Variants in DYNC1H1 observed in about 807,000 individuals in gnomAD.
DYNC1H1 encodes cytoplasmic dynein 1 heavy chain 1.
A neutral mutation model predicts 527.1 loss-of-function variants in DYNC1H1; 51 were observed. That is an observed-to-expected ratio of 0.10 (90% CI 0.08 to 0.12). The LOEUF is 0.12. Ranked by LOEUF, DYNC1H1 falls within the 10% of genes least tolerant of loss-of-function variation. The pLI is 1.00. For synonymous variants in DYNC1H1, 2,189 were observed against 2,278.8 expected, an observed-to-expected ratio of 0.96 and a Z score of 1.12; for missense variants, 2,771 against 5,971.8, an observed-to-expected ratio of 0.46 and a Z score of 17.66.
intron 5 of DYNC1H1, among the ~76,000 whole-genome samples, chr14:101,981,233 C>T (rs1178760454): frequency 2.6e-5 from 4 of 152,172 alleles, no homozygotes; most frequent in Admixed American, 6.5e-5. Context: ...AAGCCATCCT[C>T]TCACCTCAGC....
chr14:102,013,564 G>A (rs556578509), intron 34 of DYNC1H1, among the ~76,000 whole-genome samples: 2 of 152,266 alleles, frequency 1.3e-5, no homozygotes, highest in South Asian at 4.1e-4. Context: ...GGCTGAAGCG[G>A]AGAGGACTGG....
intron 42 of DYNC1H1, 93 bp from the exon 43 acceptor site, chr14:102,022,658 G>A: frequency 6.3e-7 from 1 of 1,578,292 alleles, no homozygotes; most frequent in Non-Finnish European, 8.7e-7. Flanking sequence ...TGCATCCTTT[G>A]GAAGAGCCCA....
Position 102,036,693 on chromosome 14 carries a change from C to CTT in DYNC1H1, c.10908+55_10908+56dup. 6.2e-7 allele frequency: 1 copy of CTT among 1,610,976 alleles called. No individual in the cohort carries two copies. ...AAACACTGCATTCAAGAGTGAATTCCTTTTTGGGGGCTGCCTTTAGTTTTC... is the reference window on the plus strand; with the variant it reads ...AAACACTGCATTCAAGAGTGAATTCCTTTTTTTGGGGGCTGCCTTTAGTTTTC... On this transcript the variant is annotated intron_variant, in intron 57 of 77. Transcript: ENST00000360184. This position sits in a 1 kb window ranked among gnomAD's most constrained non-coding sequence, Gnocchi z 5.6.
At chr14:101,992,426 C>T (rs935312417) in intron 11 of DYNC1H1, among the ~76,000 whole-genome samples, 3 of 152,172 alleles carry the variant, frequency 2.0e-5, no homozygotes, top group South Asian at 2.1e-4. Context: ...AAGGAGTCTA[C>T]GTACAATCCT....
rs2048740822 is a variant in DYNC1H1 at position 102,047,637 on chromosome 14, GTGTGTATATATATA to G, written c.13007-178_13007-165del. The G allele has an allele frequency of 1.3e-5, 5 of 394,244 alleles. No homozygotes were observed. The African/African-American group carries it at 1.3e-4, about 11-fold the overall frequency. 24.4% of individuals were successfully genotyped at this position (394,244 alleles called of 1,614,324 possible). A position where few individuals can be genotyped will look rare whatever the true frequency, so the allele number is the denominator to read the frequency against. ...TATATACACGTGTGTGTGTGTGTGT[GTGTGTATATATATA>G]TATATATATATATGTACACACGGCT... On this transcript the variant is annotated intron_variant, in intron 72 of 77. Transcript: ENST00000360184.
rs750474555 is a variant in DYNC1H1, at chr14:102,002,740, G to A, written c.4709+37G>A. ...AGCCAGAGAGCCAAATTTGCCAGCG[G>A]CTAGTGACTACTCTACACAAAGGCT... On this transcript the variant is annotated intron_variant, in intron 22 of 77. Coordinates refer to ENST00000360184, the MANE Select transcript of DYNC1H1 (RefSeq NM_001376.5). This position sits in a 1 kb window ranked among gnomAD's most constrained non-coding sequence, Gnocchi z 4.4. 6 of 1,614,224 alleles carry A rather than the reference G, an allele frequency of 3.7e-6. No homozygotes were observed. Among genetic ancestry groups the A allele is most frequent in the Non-Finnish European group, 4.2e-6 (5 of 1,180,040 alleles).
At chr14:101,975,928 A>G in intron 2 of DYNC1H1, 129 bp downstream of exon 2, 1 of 750,456 alleles carries the variant, frequency 1.3e-6, no homozygotes, top group South Asian at 1.8e-5. Context: ...TTTTTTTGAG[A>G]CGGAGTTTCG....
chr14:101,965,817 A>T lies in DYNC1H1; in HGVS notation c.256+870A>T, dbSNP rs572138478. 4.4e-5 allele frequency among the ~76,000 whole-genome samples: 4 copies of T among 91,890 alleles called. No individual in the cohort carries two copies. Among genetic ancestry groups the T allele is most frequent in the South Asian group, 3.7e-4 (1 of 2,672 alleles). 60.3% of individuals were successfully genotyped at this position (91,890 alleles called of 152,430 possible). ...ATATTTGAGTCTAATTTTACAGATT[A>T]AAAAAAAAAAAAAAGATTCAGGTTA... is the stretch of plus-strand genomic sequence containing the variant. On this transcript the variant is annotated intron_variant, in intron 1 of 77. Coordinates refer to ENST00000360184, the MANE Select transcript of DYNC1H1 (RefSeq NM_001376.5). This position sits in a 1 kb window ranked among gnomAD's most constrained non-coding sequence, Gnocchi z 4.1.
intron 1 of DYNC1H1, among the ~76,000 whole-genome samples, chr14:101,968,580 T>G (rs2047694429): frequency 6.6e-6 from 1 of 152,118 alleles, no homozygotes; most frequent in Non-Finnish European, 1.5e-5. Context: ...GAATTTTTTT[T>G]TTGAGACAGG....
Position 101,995,443 on chromosome 14 carries a change from C to T in DYNC1H1, c.3564+143C>T, listed in dbSNP as rs1050921712. The T allele has an allele frequency of 3.7e-6, 4 of 1,093,066 alleles. No individual in the cohort carries two copies. In the Admixed American group the frequency reaches 7.7e-5, roughly 21 times the overall value. The allele number at this position is 1,093,066 out of a possible 1,614,324, so 67.7% of individuals were successfully genotyped here. ...TGGCTAACACGGTGAAATGCTGTCT[C>T]TACTAAAAATACAAAAAATTAGCCG... is the stretch of plus-strand genomic sequence containing the variant. On this transcript the variant is annotated intron_variant, in intron 15 of 77. Transcript: ENST00000360184.
chr14:102,046,729 T>C (rs1461308661), intron 72 of DYNC1H1, among the ~76,000 whole-genome samples: 1 of 151,802 alleles, frequency 6.6e-6, no homozygotes, highest in Non-Finnish European at 1.5e-5. Flanking sequence ...GGCCCAGGTC[T>C]CACAGTGAAC....
chr14:101,973,067 C>T (rs1270589172), intron 1 of DYNC1H1, among the ~76,000 whole-genome samples: 1 of 151,752 alleles, frequency 6.6e-6, no homozygotes, highest in Non-Finnish European at 1.5e-5. Context: ...TTTTAATAGT[C>T]GTTTTAAAAA....
In DYNC1H1 at chr14:102,044,891, G is replaced by A. The variant is rs1331962751; in HGVS notation, c.13006+193G>A. On this transcript the variant is annotated intron_variant, in intron 72 of 77. Transcript: ENST00000360184. This position sits in a 1 kb window ranked among gnomAD's most constrained non-coding sequence, Gnocchi z 7.1. The stretch of plus-strand genomic sequence containing the variant: ...CCAGCTGCTCCTAGCTCCACTCCGA[G>A]GGGAGGCAGAGGAAAGAACTGGCTC... 1.6e-6 allele frequency: 1 copy of A among 641,860 alleles called. No homozygotes were observed. The highest frequency in any genetic ancestry group is 2.7e-6 in the Non-Finnish European group (1 of 368,224). 39.8% of individuals were successfully genotyped at this position (641,860 alleles called of 1,614,324 possible). A position where few individuals can be genotyped will look rare whatever the true frequency, so the allele number is the denominator to read the frequency against.
chr14:102,015,009 A>G lies in DYNC1H1; in HGVS notation c.7015-96A>G. On this transcript the variant is annotated intron_variant, in intron 34 of 77. Transcript: ENST00000360184. The surrounding 1 kb of genome is among the most constrained non-coding windows in gnomAD (Gnocchi z 6.9). The stretch of plus-strand genomic sequence containing the variant: ...TTCTGTATAGGAAAATTAAGTTTAA[A>G]GTCACCCTTTCAGTGTATATATAGG... 7.0e-7 allele frequency: 1 copy of G among 1,432,498 alleles called. No individual in the cohort carries two copies. The highest frequency in any genetic ancestry group is 1.2e-5 in the South Asian group (1 of 84,244). The allele number at this position is 1,432,498 out of a possible 1,614,324, so 88.7% of individuals were successfully genotyped here.
In DYNC1H1 at chr14:102,020,985, G is replaced by T. The variant is rs771200699; in HGVS notation, c.8507+929G>T. On this transcript the variant is annotated intron_variant, in intron 42 of 77. Transcript: ENST00000360184. This position sits in a 1 kb window ranked among gnomAD's most constrained non-coding sequence, Gnocchi z 4.3. ...GCAGAGTGCAGAGTATGTTGGCTGT[G>T]GCAGCCCTGTTTTTATTTCTTATTG... Among the ~76,000 whole-genome samples the T allele has an allele frequency of 1.3e-5, 2 of 152,124 alleles. No individual in the cohort carries two copies. Among genetic ancestry groups the T allele is most frequent in the Non-Finnish European group, 2.9e-5 (2 of 68,038 alleles).
At position 102,049,214 on chromosome 14, in the gene DYNC1H1, C is replaced by T; in HGVS notation, c.13373-226C>T. The T allele has an allele frequency of 3.2e-6, 2 of 617,258 alleles. No individual in the cohort carries two copies. Among genetic ancestry groups the T allele is most frequent in the Non-Finnish European group, 2.8e-6 (1 of 350,904 alleles). 38.2% of individuals were successfully genotyped at this position (617,258 alleles called of 1,614,324 possible). A position where few individuals can be genotyped will look rare whatever the true frequency, so the allele number is the denominator to read the frequency against. ...AAAGACACACCTGGACTAATTTGAC[C>T]CTAGAAACTGCACGGTTCTGAGACA... On this transcript the variant is annotated intron_variant, in intron 74 of 77. Coordinates refer to ENST00000360184, the MANE Select transcript of DYNC1H1 (RefSeq NM_001376.5). The surrounding 1 kb of genome is among the most constrained non-coding windows in gnomAD (Gnocchi z 5.5).
Position 102,005,569 on chromosome 14 carries a change from G to A in DYNC1H1, c.5434-319G>A, listed in dbSNP as rs1299301212. Among the ~76,000 whole-genome samples, 6 of 152,224 alleles carry A rather than the reference G, an allele frequency of 3.9e-5. No homozygotes were observed. Among genetic ancestry groups the A allele is most frequent in the Admixed American group, 6.5e-5 (1 of 15,282 alleles). ...CAGTGCTTGCTGCGAGCCCCATGGCGGCACGTGGCAGACTCCTAGGATAGA... is the reference window on the plus strand; with the variant it reads ...CAGTGCTTGCTGCGAGCCCCATGGCAGCACGTGGCAGACTCCTAGGATAGA... On this transcript the variant is annotated intron_variant, in intron 26 of 77. Coordinates refer to ENST00000360184, the MANE Select transcript of DYNC1H1 (RefSeq NM_001376.5). This position sits in a 1 kb window ranked among gnomAD's most constrained non-coding sequence, Gnocchi z 4.0.
chr14:101,997,370 C>T lies in DYNC1H1; in HGVS notation c.3804+96C>T. 6.3e-7 allele frequency: 1 copy of T among 1,587,816 alleles called. No individual in the cohort carries two copies. Among genetic ancestry groups the T allele is most frequent in the Non-Finnish European group, 8.6e-7 (1 of 1,166,964 alleles). ...CCTAAAAGGCCTTGCTGTGACTGAG[C>T]TTTCTAGTATTGAAGACTCTTTTCC... On this transcript the variant is annotated intron_variant, in intron 16 of 77. Transcript: ENST00000360184. The surrounding 1 kb of genome is among the most constrained non-coding windows in gnomAD (Gnocchi z 4.8).
chr14:101,994,438 A>G, intron 12 of DYNC1H1, 114 bp downstream of exon 12: 1 of 1,500,774 alleles, frequency 6.7e-7, no homozygotes. Flanking sequence ...ATGGTTCACT[A>G]GATACTATTT....
Sources: gnomAD v4.1 joint callset for allele counts (sites outside exome capture counted in the v4.1 genomes callset) on GRCh38, gnomAD v4.1.1 for gene constraint, Gnocchi (gnomAD v3.1) non-coding constraint, MANE v1.5 for transcripts, NCBI Gene and HGNC (gene_info 2026-07-23, HGNC 2026-07-21) for gene names.